DOCK10: variants seen among roughly 807,000 people sequenced by gnomAD.
DOCK10 encodes dedicator of cytokinesis protein 10.
Under a neutral mutation model 280.1 loss-of-function variants are expected in DOCK10, and 145 were observed. That is an observed-to-expected ratio of 0.52 (90% CI 0.45 to 0.59). The LOEUF (loss-of-function observed/expected upper bound fraction) is 0.59, where lower values mean the gene tolerates loss of function less well. Ranked by LOEUF, DOCK10 falls within the 20% of genes least tolerant of loss-of-function variation. The probability of loss-of-function intolerance (pLI) is 0.00; values close to 1 mark genes in which losing one functional copy is unlikely to be tolerated. For synonymous variants in DOCK10, 915 were observed against 942.2 expected, an observed-to-expected ratio of 0.97 and a Z score of 0.53; for missense variants, 2,368 against 2,651.7, an observed-to-expected ratio of 0.89 and a Z score of 2.35.
At chr2:224,880,046 C>A (rs1026709770) in intron 7 of DOCK10, among the ~76,000 whole-genome samples, 1 of 151,858 alleles carries the variant, frequency 6.6e-6, no homozygotes, top group African/African-American at 2.4e-5. Flanking sequence ...ATGAAGATGC[C>A]GAACACTAAC....
intron 50 of DOCK10, 166 bp from the exon 51 acceptor site, chr2:224,778,450 A>AAAAT: frequency 1.4e-6 from 1 of 703,252 alleles, no homozygotes; most frequent in Non-Finnish European, 2.5e-6. Context: ...ACACAGTGAG[A>AAAAT]AAATAAAGTA....
At chr2:224,834,045 G>T in intron 26 of DOCK10, 105 bp downstream of exon 26, 1 of 678,464 alleles carries the variant, frequency 1.5e-6, no homozygotes, top group Non-Finnish European at 2.6e-6. Flanking sequence ...GCTGGAAACT[G>T]CAAGAGAAAA....
chr2:224,979,649 C>T (rs59325566), intron 1 of DOCK10, among the ~76,000 whole-genome samples: 15,872 of 152,312 alleles, frequency 0.1, 2,639 homozygotes, highest in African/African-American at 0.36. Flanking sequence ...AGGCATTTCC[C>T]TGCTGAAAGT....
chr2:224,984,350 C>G (rs571203055), intron 1 of DOCK10, among the ~76,000 whole-genome samples: 7 of 152,356 alleles, frequency 4.6e-5, no homozygotes, highest in South Asian at 2.1e-4. Context: ...TCTGGCTGAC[C>G]TCTGCGGTGG....
At chr2:224,922,387 ACT>A (rs1701812571) in intron 2 of DOCK10, among the ~76,000 whole-genome samples, 1 of 152,094 alleles carries the variant, frequency 6.6e-6, no homozygotes, top group Admixed American at 6.6e-5. Flanking sequence ...CTTTTATAAA[ACT>A]CTGGTCAACA....
At chr2:225,034,282 T>C (rs888243347) in intron 1 of DOCK10, among the ~76,000 whole-genome samples, 11 of 152,346 alleles carry the variant, frequency 7.2e-5, no homozygotes, top group Admixed American at 2.0e-4. Context: ...GGATTCACTA[T>C]TGAGGAGTCA....
At chr2:224,778,355 C>CATTT in intron 50 of DOCK10, 71 bp from the exon 51 acceptor site, 1 of 1,449,348 alleles carries the variant, frequency 6.9e-7, no homozygotes, top group Non-Finnish European at 9.4e-7. Flanking sequence ...AACAAAAAGC[C>CATTT]ATTTACTTAA....
At chr2:224,927,839 T>C (rs545498599) in intron 2 of DOCK10, among the ~76,000 whole-genome samples, 3 of 152,198 alleles carry the variant, frequency 2.0e-5, no homozygotes, top group Non-Finnish European at 2.9e-5. Context: ...GTGTGGGTGC[T>C]TGGTAACGTG....
chr2:224,869,661 G>A (rs1190890211), intron 11 of DOCK10, among the ~76,000 whole-genome samples: 2 of 152,088 alleles, frequency 1.3e-5, no homozygotes, highest in African/African-American at 4.8e-5. Context: ...CAACACTGAC[G>A]TACAAAACAC....
intron 7 of DOCK10, among the ~76,000 whole-genome samples, chr2:224,881,173 A>G (rs1215829224): frequency 6.6e-6 from 1 of 152,178 alleles, no homozygotes; most frequent in African/African-American, 2.4e-5. Flanking sequence ...GCAGTGATAA[A>G]TGTAATTTCA....
chr2:224,834,368 C>T, intron 25 of DOCK10, 105 bp from the exon 26 acceptor site: 1 of 705,010 alleles, frequency 1.4e-6, no homozygotes, highest in South Asian at 1.6e-5. Flanking sequence ...CTGCTCATGC[C>T]AGATTTTGCC....
At chr2:224,927,964 C>T (rs10166440) in intron 2 of DOCK10, among the ~76,000 whole-genome samples, 35,041 of 152,018 alleles carry the variant, frequency 0.23, 4,534 homozygotes, top group Non-Finnish European at 0.28. Flanking sequence ...CCCTCAATGC[C>T]TTGGGATTGG....
intron 11 of DOCK10, among the ~76,000 whole-genome samples, chr2:224,866,910 T>C (rs922492766): frequency 6.6e-6 from 1 of 152,106 alleles, no homozygotes; most frequent in Non-Finnish European, 1.5e-5. Flanking sequence ...AAATAGGATG[T>C]TCCAGGCTTA....
At chr2:224,772,916 A>G (rs187419179) in intron 53 of DOCK10, among the ~76,000 whole-genome samples, 2 of 152,362 alleles carry the variant, frequency 1.3e-5, no homozygotes, top group Admixed American at 6.5e-5. Flanking sequence ...AAGATGGGAT[A>G]GCAAGGTGGA....
In DOCK10 at chr2:224,899,309, T is replaced by G. The variant is rs576710408; in HGVS notation, c.334-2932A>C. On this transcript the variant is annotated intron_variant, in intron 3 of 55. Transcript: ENST00000258390. ...AATAAAATATTATCCCCTAATTCCC[T>G]AGCCCAGTCTCCTCATTTTGGAGAT... Among the ~76,000 whole-genome samples the G allele has an allele frequency of 2.0e-5, 3 of 152,296 alleles. No individual in the cohort carries two copies. The East Asian group carries it at 5.8e-4, about 29-fold the overall frequency.
intron 27 of DOCK10, among the ~76,000 whole-genome samples, chr2:224,827,202 G>A (rs1050685777): frequency 6.6e-6 from 1 of 150,856 alleles, no homozygotes; most frequent in Non-Finnish European, 1.5e-5. Flanking sequence ...GGTGGAGCTT[G>A]CAGTGAGCCG....
intron 31 of DOCK10, among the ~76,000 whole-genome samples, chr2:224,811,100 A>G (rs966290922): frequency 2.3e-4 from 35 of 152,260 alleles, no homozygotes; most frequent in Non-Finnish European, 4.6e-4. Context: ...CACTCCCACC[A>G]ACAGTGTAAA....
At chr2:224,914,169 T>C (rs1701190261) in intron 3 of DOCK10, among the ~76,000 whole-genome samples, 1 of 152,254 alleles carries the variant, frequency 6.6e-6, no homozygotes, top group African/African-American at 2.4e-5. Context: ...AATTGGCCAC[T>C]CTTCCCCAGA....
At chr2:224,806,414 C>T (rs1030521463) in intron 33 of DOCK10, among the ~76,000 whole-genome samples, 177 bp from the exon 34 acceptor site, 12 of 152,090 alleles carry the variant, frequency 7.9e-5, no homozygotes, top group African/African-American at 2.7e-4. Context: ...AAACCATACT[C>T]GTAGTTATAA....
Sources: allele counts gnomAD v4.1 joint callset (sites outside exome capture counted in the v4.1 genomes callset), GRCh38; gene constraint gnomAD v4.1.1; transcripts MANE v1.5; gene names NCBI Gene and HGNC (gene_info 2026-07-23, HGNC 2026-07-21).